The following MTUS2 variants were observed in gnomAD, a reference collection of about 807,000 sequenced individuals.
MTUS2 encodes the protein microtubule associated scaffold protein 2, also known as microtubule-associated tumor suppressor candidate 2.
MTUS2 carries 40 observed loss-of-function variants against 114.1 expected under a neutral mutation model. The ratio of observed to expected loss-of-function variants is 0.35; its 90% CI spans 0.27 to 0.46. MTUS2 has a LOEUF of 0.46. MTUS2 is among the 20% of genes least tolerant of loss of function. The pLI, the probability that MTUS2 is intolerant of heterozygous loss-of-function variation, is 1.00. For synonymous variants in MTUS2, 688 were observed against 672.0 expected, an observed-to-expected ratio of 1.02 and a Z score of -0.37; for missense variants, 1,679 against 1,705.4, an observed-to-expected ratio of 0.98 and a Z score of 0.27.
chr13:29,253,139 T>C (rs957206174), intron 5 of MTUS2, among the ~76,000 whole-genome samples: 6 of 151,228 alleles, frequency 4.0e-5, no homozygotes, highest in African/African-American at 1.5e-4. Context: ...AAAAATCACA[T>C]CCCCGGCTGG....
At chr13:28,926,840 A>T (rs1239824424) in intron 2 of MTUS2, among the ~76,000 whole-genome samples, 1 of 152,196 alleles carries the variant, frequency 6.6e-6, no homozygotes, top group East Asian at 1.9e-4. Context: ...CATGCAAGGG[A>T]CTTGTGTCAG....
chr13:28,971,873 C>T (rs1883872637), intron 2 of MTUS2, among the ~76,000 whole-genome samples: 1 of 152,212 alleles, frequency 6.6e-6, no homozygotes, highest in South Asian at 2.1e-4. Flanking sequence ...TTCATGTTTT[C>T]TGCCATGCCA....
intron 8 of MTUS2, among the ~76,000 whole-genome samples, chr13:29,394,744 G>A (rs919405698): frequency 2.6e-5 from 4 of 152,170 alleles, no homozygotes; most frequent in African/African-American, 7.2e-5. Flanking sequence ...AGCAGTGGGC[G>A]AGCGCAAGCT....
At chr13:29,010,545 C>T (rs1885794029) in intron 2 of MTUS2, among the ~76,000 whole-genome samples, 1 of 152,050 alleles carries the variant, frequency 6.6e-6, no homozygotes, top group African/African-American at 2.4e-5. Context: ...TAGGCTAGGA[C>T]CCCTTTCCTT....
intron 1 of MTUS2, among the ~76,000 whole-genome samples, chr13:28,827,831 T>A (rs556918820): frequency 2.6e-5 from 4 of 152,114 alleles, no homozygotes; most frequent in Non-Finnish European, 5.9e-5. Context: ...GTCACAGAGA[T>A]CACATGCTTC....
intron 5 of MTUS2, among the ~76,000 whole-genome samples, chr13:29,190,759 C>G (rs142051383): frequency 6.6e-6 from 1 of 152,158 alleles, no homozygotes; most frequent in African/African-American, 2.4e-5. Flanking sequence ...CAGTACTTTC[C>G]AGGCAGGATG....
intron 1 of MTUS2, among the ~76,000 whole-genome samples, chr13:28,830,715 A>G (rs1874610687): frequency 6.6e-6 from 1 of 152,174 alleles, no homozygotes; most frequent in African/African-American, 2.4e-5. Context: ...GAAAAGAATG[A>G]GAGTAAGGGG....
chr13:28,972,468 C>A (rs1883900588), intron 2 of MTUS2, among the ~76,000 whole-genome samples: 1 of 152,186 alleles, frequency 6.6e-6, no homozygotes, highest in South Asian at 2.1e-4. Flanking sequence ...ACCGAAGCTT[C>A]AGAATAAACA....
At chr13:29,439,956 T>A (rs1233680029) in intron 8 of MTUS2, 27 bp from the exon 9 acceptor site, 5 of 1,552,246 alleles carry the variant, frequency 3.2e-6, no homozygotes, top group Non-Finnish European at 4.4e-6. Flanking sequence ...ACTAGGGGAC[T>A]CTCGGTATCC....
At chr13:29,248,890 G>A (rs1340745603) in intron 5 of MTUS2, among the ~76,000 whole-genome samples, 1 of 152,164 alleles carries the variant, frequency 6.6e-6, no homozygotes, top group Non-Finnish European at 1.5e-5. Flanking sequence ...ATGGACATTT[G>A]GGTTGGTTGC....
At chr13:29,371,970 A>ACCCCC (rs1197762029) in intron 8 of MTUS2, among the ~76,000 whole-genome samples, 6 of 11,530 alleles carry the variant, frequency 5.2e-4, no homozygotes, top group African/African-American at 8.8e-4. Flanking sequence ...AGTGTCCTCA[A>ACCCCC]CCCCCGCCCC....
chr13:29,343,191 A>G (rs1593326369), intron 7 of MTUS2, among the ~76,000 whole-genome samples: 1 of 65,106 alleles, frequency 1.5e-5, no homozygotes. Context: ...TTTAGGGAGG[A>G]TTCCCTCTTT....
chr13:29,137,509 T>G (rs1434856569), intron 5 of MTUS2, among the ~76,000 whole-genome samples: 1 of 152,122 alleles, frequency 6.6e-6, no homozygotes, highest in Admixed American at 6.6e-5. Context: ...GTCCCACAAG[T>G]CCCTTAGAGC....
At chr13:28,835,541 G>A (rs578152977) in intron 1 of MTUS2, among the ~76,000 whole-genome samples, 64 of 152,214 alleles carry the variant, frequency 4.2e-4, no homozygotes, top group Non-Finnish European at 7.1e-4. Context: ...GGGTTTCTTT[G>A]GGGGGTGATG....
At chr13:29,002,892 C>T (rs1202445204) in intron 2 of MTUS2, among the ~76,000 whole-genome samples, 1 of 152,150 alleles carries the variant, frequency 6.6e-6, no homozygotes, top group African/African-American at 2.4e-5. Flanking sequence ...ACACTTAGTT[C>T]CCCAGTGATG....
intron 5 of MTUS2, among the ~76,000 whole-genome samples, chr13:29,201,922 C>T (rs766907649): frequency 7.2e-5 from 11 of 152,224 alleles, no homozygotes; most frequent in East Asian, 1.9e-4. Context: ...CCTTTGTCTC[C>T]GGCTGCCCTT....
intron 2 of MTUS2, among the ~76,000 whole-genome samples, chr13:28,987,429 T>C (rs892095899): frequency 1.3e-5 from 2 of 151,814 alleles, no homozygotes; most frequent in Non-Finnish European, 2.9e-5. Context: ...ATATCACGGC[T>C]TTGAGGAGTA....
intron 2 of MTUS2, among the ~76,000 whole-genome samples, chr13:28,895,911 G>A (rs947275038): frequency 3.3e-5 from 5 of 152,242 alleles, no homozygotes; most frequent in Non-Finnish European, 5.9e-5. Flanking sequence ...TATTTCCACC[G>A]GCTCAGGAAG....
At chr13:29,491,506 G>A (rs1293321063) in intron 11 of MTUS2, among the ~76,000 whole-genome samples, 1 of 140,870 alleles carries the variant, frequency 7.1e-6, no homozygotes, top group Non-Finnish European at 1.5e-5. Context: ...GTGTATGTGG[G>A]GGTGTGGGAG....
Sources: allele counts gnomAD v4.1 joint callset (sites outside exome capture counted in the v4.1 genomes callset), GRCh38; gene constraint gnomAD v4.1.1; transcripts MANE v1.5; gene names NCBI Gene and HGNC (gene_info 2026-07-23, HGNC 2026-07-21).